Variants in NRG4 observed in about 807,000 individuals in gnomAD.
The protein encoded by NRG4 is pro-neuregulin-4, membrane-bound isoform.
Under a neutral mutation model 15.0 loss-of-function variants are expected in NRG4, and 10 were observed. The ratio of observed to expected loss-of-function variants is 0.67; its 90% CI spans 0.41 to 1.13. The LOEUF is 1.13. Ranked by LOEUF, NRG4 falls within the 50% of genes most tolerant of loss-of-function variation. The probability of loss-of-function intolerance (pLI) is 0.00; values close to 1 mark genes in which losing one functional copy is unlikely to be tolerated. For synonymous variants in NRG4, 41 were observed against 50.1 expected (o/e 0.82, Z 0.77); for missense variants, 139 against 140.2 (o/e 0.99, Z 0.04).
At chr15:75,947,612 A>G (rs1243818219) in intron 5 of NRG4, among the ~76,000 whole-genome samples, 1 of 152,318 alleles carries the variant, frequency 6.6e-6, no homozygotes, top group African/African-American at 2.4e-5. Context: ...AGGTATACAA[A>G]TATCTGTTTG....
At chr15:75,991,645 T>C (rs1029994101) in intron 3 of NRG4, among the ~76,000 whole-genome samples, 3 of 150,608 alleles carry the variant, frequency 2.0e-5, no homozygotes, top group Non-Finnish European at 4.5e-5. Context: ...TTTTTTTTGG[T>C]CTAATTGGTC....
At chr15:76,018,702 C>T (rs1480674200) in intron 5 of NRG4, among the ~76,000 whole-genome samples, 1 of 152,196 alleles carries the variant, frequency 6.6e-6, no homozygotes, top group Non-Finnish European at 1.5e-5. Context: ...CCTCTGGAAG[C>T]TTTGTCCCAG....
chr15:75,937,359 A>AT (rs1555427711), downstream of NRG4: 4 of 150,132 alleles, frequency 2.7e-5, no homozygotes, highest in Admixed American at 2.7e-4. Flanking sequence ...AGTACACAAA[A>AT]TTAGCTGGGC....
intron 5 of NRG4, among the ~76,000 whole-genome samples, chr15:76,024,972 A>T (rs917829243): frequency 3.3e-5 from 5 of 152,192 alleles, no homozygotes; most frequent in African/African-American, 1.2e-4. Context: ...AACAAACAAA[A>T]AACAACAAAC....
downstream of NRG4, chr15:75,939,783 T>G (rs2030748749): frequency 6.6e-6 from 1 of 152,126 alleles, no homozygotes; most frequent in African/African-American, 2.4e-5. Flanking sequence ...GAGAACCAGA[T>G]GATCATCTCA....
intron 5 of NRG4, among the ~76,000 whole-genome samples, chr15:76,030,339 C>T (rs2035442206): frequency 6.6e-6 from 1 of 152,068 alleles, no homozygotes. Flanking sequence ...AAATATACTA[C>T]AAAACTGTAG....
upstream of NRG4, among the ~76,000 whole-genome samples, chr15:76,013,869 T>G (rs979225402): frequency 1.3e-5 from 2 of 152,196 alleles, no homozygotes; most frequent in Non-Finnish European, 2.9e-5. Context: ...GTAATTGGAT[T>G]GCTGGGTCAA....
rs573704407 is a variant in NRG4, at chr15:75,946,109, G to A, written c.332-2455C>T. On this transcript the variant is annotated intron_variant, in intron 5 of 5. Transcript: ENST00000394907. ...AGCTAATGGGTGGGCGGCATATACA[G>A]TGTGGATGTGGTGGGCAAAAAGATG... Among the ~76,000 whole-genome samples the A allele has an allele frequency of 1.1e-4, 17 of 152,318 alleles. No individual in the cohort carries two copies. In the East Asian group the frequency reaches 2.9e-3, roughly 26 times the overall value.
At chr15:76,029,457 G>C (rs918576719) in intron 5 of NRG4, among the ~76,000 whole-genome samples, 1 of 152,102 alleles carries the variant, frequency 6.6e-6, no homozygotes, top group African/African-American at 2.4e-5. Flanking sequence ...GAAATAAAGG[G>C]CATCCAAATT....
intron 4 of NRG4, among the ~76,000 whole-genome samples, chr15:76,048,815 T>A (rs935478529): frequency 6.7e-6 from 1 of 150,364 alleles, no homozygotes; most frequent in Admixed American, 6.6e-5. Flanking sequence ...GAGGCCGAGG[T>A]GGATGGATCA....
chr15:76,027,121 A>AAAAAT (rs958991312), intron 5 of NRG4, among the ~76,000 whole-genome samples: 109 of 152,198 alleles, frequency 7.2e-4, no homozygotes, highest in African/African-American at 1.0e-3. Context: ...ACTCCATCTC[A>AAAAAT]AAAATAAAAT....
chr15:75,968,089 G>A (rs17428804), intron 3 of NRG4, among the ~76,000 whole-genome samples: 7 of 152,120 alleles, frequency 4.6e-5, no homozygotes, highest in African/African-American at 1.2e-4. Context: ...GTGTGCATTC[G>A]CTAGTCTTTT....
At chr15:76,054,453 T>G (rs1406266732) in intron 2 of NRG4, among the ~76,000 whole-genome samples, 1 of 151,870 alleles carries the variant, frequency 6.6e-6, no homozygotes, top group Non-Finnish European at 1.5e-5. Context: ...CCGCTCTCAT[T>G]GCCCAGGCTA....
chr15:76,044,448 C>A (rs2035820980), intron 4 of NRG4, among the ~76,000 whole-genome samples: 3 of 150,704 alleles, frequency 2.0e-5, no homozygotes, highest in Admixed American at 2.0e-4. Context: ...AAATCCAAAT[C>A]AAAATAAGAT....
chr15:76,053,247 G>GT (rs1047564704), intron 2 of NRG4: 1 of 150,970 alleles, frequency 6.6e-6, no homozygotes, highest in African/African-American at 2.5e-5. Flanking sequence ...ACGTGAGGCA[G>GT]TGAGGCACCA....
At chr15:76,005,087 A>G (rs1179649323) in intron 3 of NRG4, among the ~76,000 whole-genome samples, 1 of 152,144 alleles carries the variant, frequency 6.6e-6, no homozygotes, top group South Asian at 2.1e-4. Context: ...AGAAACTCAT[A>G]AGGGGGCTGG....
At chr15:76,003,168 G>A (rs1223415600) in intron 3 of NRG4, among the ~76,000 whole-genome samples, 1 of 151,962 alleles carries the variant, frequency 6.6e-6, no homozygotes, top group Non-Finnish European at 1.5e-5. Flanking sequence ...AATATAACCA[G>A]AAAATCCACA....
intron 4 of NRG4, among the ~76,000 whole-genome samples, chr15:76,038,847 C>T (rs1362599454): frequency 3.3e-5 from 5 of 152,222 alleles, no homozygotes; most frequent in South Asian, 2.1e-4. Flanking sequence ...CCAGCACAGT[C>T]CCACTGGTGG....
At chr15:75,989,265 C>T (rs2033918060) in intron 3 of NRG4, among the ~76,000 whole-genome samples, 1 of 152,134 alleles carries the variant, frequency 6.6e-6, no homozygotes, top group South Asian at 2.1e-4. Flanking sequence ...TTCTTCATTC[C>T]TTCATGTAGA....
Sources: gnomAD v4.1 joint callset for allele counts (sites outside exome capture counted in the v4.1 genomes callset) on GRCh38, gnomAD v4.1.1 for gene constraint, MANE v1.5 for transcripts, NCBI Gene and HGNC (gene_info 2026-07-23, HGNC 2026-07-21) for gene names.